Variants in NEK6 observed in about 807,000 individuals in gnomAD.
The protein encoded by NEK6 is serine/threonine-protein kinase Nek6.
Under a neutral mutation model 43.5 loss-of-function variants are expected in NEK6, and 27 were observed. The ratio of observed to expected loss-of-function variants is 0.62; its 90% CI spans 0.46 to 0.86. The LOEUF (loss-of-function observed/expected upper bound fraction) is 0.86. NEK6 is among the 40% of genes least tolerant of loss of function. NEK6 has a pLI of 0.00. For synonymous variants in NEK6, 167 were observed against 164.1 expected, an observed-to-expected ratio of 1.02 and a Z score of -0.14; for missense variants, 318 against 414.4, an observed-to-expected ratio of 0.77 and a Z score of 2.02.
chr9:124,273,377 T>A (rs1251964597), intron 1 of NEK6, among the ~76,000 whole-genome samples: 1 of 152,220 alleles, frequency 6.6e-6, no homozygotes, highest in African/African-American at 2.4e-5. Context: ...CGGAACCCTT[T>A]GCATGCTTGT....
intron 9 of NEK6, among the ~76,000 whole-genome samples, chr9:124,348,947 G>A (rs975004487): frequency 7.9e-5 from 12 of 152,244 alleles, no homozygotes; most frequent in African/African-American, 2.9e-4. Flanking sequence ...CGGAGCCATC[G>A]TGCTTCTTGA....
chr9:124,272,967 C>T (rs1261576090), intron 1 of NEK6, among the ~76,000 whole-genome samples: 1 of 152,160 alleles, frequency 6.6e-6, no homozygotes, highest in Non-Finnish European at 1.5e-5. Context: ...ACCAAAGATT[C>T]TGCTCAAAGC....
chr9:124,291,152 C>T (rs764179228), intron 1 of NEK6, among the ~76,000 whole-genome samples: 2 of 152,142 alleles, frequency 1.3e-5, no homozygotes, highest in Admixed American at 6.5e-5. Flanking sequence ...ACCAGCACCC[C>T]GGGCAGTAGA....
At chr9:124,333,095 G>T (rs918100888) in intron 7 of NEK6, among the ~76,000 whole-genome samples, 1 of 151,532 alleles carries the variant, frequency 6.6e-6, no homozygotes, top group Non-Finnish European at 1.5e-5. Flanking sequence ...CAGCTTCCCC[G>T]ACGACTCCTC....
intron 2 of NEK6, among the ~76,000 whole-genome samples, chr9:124,307,273 T>TG (rs983935722): frequency 6.6e-6 from 1 of 152,064 alleles, no homozygotes; most frequent in African/African-American, 2.4e-5. Context: ...GCTTTCTGGG[T>TG]GGGGGGTAGC....
chr9:124,320,700 T>C (rs1253398382), intron 4 of NEK6, among the ~76,000 whole-genome samples: 1 of 152,218 alleles, frequency 6.6e-6, no homozygotes, highest in Non-Finnish European at 1.5e-5. Flanking sequence ...CATGCTCCAC[T>C]GCAGCAAACA....
rs777505101 is a variant in NEK6, at chr9:124,339,614, C to T, written c.666C>T (p.Asn222=). ...YYMSPERIHE[N]GYNFKSDIWS... The stretch of plus-strand genomic sequence containing the variant: ...TGTCACCGGAGAGGATCCATGAGAA[C>T]GGCTACAACTTCAAGTCCGACATCT... The change falls in exon 8 of 10, where the codon AAC becomes AAT. Residue 222 remains asparagine (N), a synonymous_variant. Coordinates refer to ENST00000320246, the MANE Select transcript of NEK6 (RefSeq NM_014397.6). The T allele has an allele frequency of 9.3e-6, 15 of 1,614,064 alleles. 1 individual carries two copies. Among genetic ancestry groups the T allele is most frequent in the South Asian group, 6.6e-5 (6 of 91,072 alleles).
intron 2 of NEK6, among the ~76,000 whole-genome samples, chr9:124,304,094 C>A (rs1245632077): frequency 6.6e-6 from 1 of 152,230 alleles, no homozygotes; most frequent in East Asian, 1.9e-4. Context: ...CAACGATGCC[C>A]CCAGTCCCAC....
rs1831623402 is a variant in NEK6 at position 124,275,704 on chromosome 9, ACTGAGC to A, written c.-30+17621_-30+17626del. Reference sequence around the variant, plus strand: ...CCCCAGGATCCCCTCCAGGGCTAGGACTGAGCCACTTTCCTCTGTGGTCCCAGTGCT... The same window carrying A: ...CCCCAGGATCCCCTCCAGGGCTAGGACACTTTCCTCTGTGGTCCCAGTGCT... On this transcript the variant is annotated intron_variant, in intron 1 of 9. Transcript: ENST00000320246. This position sits in a 1 kb window ranked among gnomAD's most constrained non-coding sequence, Gnocchi z 4.4. 6.6e-6 allele frequency among the ~76,000 whole-genome samples: 1 copy of A among 152,194 alleles called. No homozygotes were observed. The highest frequency in any genetic ancestry group is 2.4e-5 in the African/African-American group (1 of 41,442).
chr9:124,292,844 T>G (rs1359082215), intron 1 of NEK6: 1 of 1,439,400 alleles, frequency 6.9e-7, no homozygotes, highest in Non-Finnish European at 9.2e-7. Context: ...ATTTCCATGT[T>G]CAAGGAGAAG....
At chr9:124,317,202 T>A (rs997487767) in intron 4 of NEK6, among the ~76,000 whole-genome samples, 1 of 152,232 alleles carries the variant, frequency 6.6e-6, no homozygotes, top group African/African-American at 2.4e-5. Flanking sequence ...TGGCCAGTGT[T>A]CGCGCAGGAC....
In NEK6 at chr9:124,324,555, G is replaced by A. The variant is rs940720120; in HGVS notation, c.406-1775G>A. On this transcript the variant is annotated intron_variant, in intron 5 of 9. Transcript: ENST00000320246. The surrounding 1 kb of genome is among the most constrained non-coding windows in gnomAD (Gnocchi z 5.3). ...AGAAAATCACCACTCTCGGCCACGC[G>A]CGTCCCTGCTTAAATGCTGTAATGA... Among the ~76,000 whole-genome samples, 3 of 152,128 alleles carry A rather than the reference G, an allele frequency of 2.0e-5. No homozygotes were observed.
chr9:124,278,678 G>A (rs988649021), intron 1 of NEK6, among the ~76,000 whole-genome samples: 1 of 152,204 alleles, frequency 6.6e-6, no homozygotes, highest in Non-Finnish European at 1.5e-5. Context: ...ATGAGGGTGG[G>A]GAGACGCATG....
chr9:124,322,256 T>C (rs967143953), intron 5 of NEK6, among the ~76,000 whole-genome samples: 4 of 151,956 alleles, frequency 2.6e-5, no homozygotes, highest in Non-Finnish European at 5.9e-5. Context: ...CTTCAAGAGA[T>C]TGAGTGACTG....
intron 8 of NEK6, among the ~76,000 whole-genome samples, chr9:124,347,334 GAA>G (rs10581410): frequency 0.07 from 10,697 of 152,280 alleles, 961 homozygotes; most frequent in East Asian, 0.45. Flanking sequence ...AGGCATCTTG[GAA>G]AAATCGCGTT....
At position 124,324,602 on chromosome 9, in the gene NEK6, T is replaced by G. The variant is rs1267843563; in HGVS notation, c.406-1728T>G. ...ATGAGGATTCACTCACATCACAGCG[T>G]GAATAACATCCCGGCCTGGCCCGCC... On this transcript the variant is annotated intron_variant, in intron 5 of 9. Transcript: ENST00000320246. The surrounding 1 kb of genome is among the most constrained non-coding windows in gnomAD (Gnocchi z 5.3). 6.6e-6 allele frequency among the ~76,000 whole-genome samples: 1 copy of G among 152,178 alleles called. No individual in the cohort carries two copies. Among genetic ancestry groups the G allele is most frequent in the Non-Finnish European group, 1.5e-5 (1 of 68,032 alleles).
intron 2 of NEK6, among the ~76,000 whole-genome samples, chr9:124,309,120 C>T (rs544811390): frequency 1.3e-5 from 2 of 152,352 alleles, no homozygotes; most frequent in South Asian, 2.1e-4. Flanking sequence ...AGAGGCCACC[C>T]TGGGGACAGC....
chr9:124,320,250 TG>T (rs1834000451), intron 4 of NEK6, among the ~76,000 whole-genome samples: 1 of 152,138 alleles, frequency 6.6e-6, no homozygotes, highest in South Asian at 2.1e-4. Context: ...GATCAGTCTC[TG>T]GGGGGACCTG....
At position 124,347,905 on chromosome 9, in the gene NEK6, T is replaced by G. The variant is rs961743144; in HGVS notation, c.831+83T>G. On this transcript the variant is annotated intron_variant, in intron 9 of 9. Transcript: ENST00000320246. The stretch of plus-strand genomic sequence containing the variant: ...GGGCCGCTCCAAAACACCACAGCTG[T>G]GGGGCTGAGGTTAGGCTCACTTTAC... 7.6e-6 allele frequency: 6 copies of G among 792,758 alleles called. No homozygotes were observed. The African/African-American group carries it at 8.7e-5, about 11-fold the overall frequency. The allele number at this position is 792,758 out of a possible 1,614,324, so 49.1% of individuals were successfully genotyped here. A position where few individuals can be genotyped will look rare whatever the true frequency, so the allele number is the denominator to read the frequency against.
Sources: allele counts gnomAD v4.1 joint callset (sites outside exome capture counted in the v4.1 genomes callset), GRCh38; gene constraint gnomAD v4.1.1; non-coding constraint Gnocchi (gnomAD v3.1); transcripts MANE v1.5; gene names NCBI Gene and HGNC (gene_info 2026-07-23, HGNC 2026-07-21).